The following FAM13A variants were observed in gnomAD, a reference collection of about 807,000 sequenced individuals.
The protein encoded by FAM13A is family with sequence similarity 13 member A, also known as protein FAM13A.
Under a neutral mutation model 129.6 loss-of-function variants are expected in FAM13A, and 76 were observed. That is an observed-to-expected ratio of 0.59 (90% confidence interval 0.49 to 0.71). The LOEUF is 0.71. Ranked by LOEUF, FAM13A falls within the 30% of genes least tolerant of loss-of-function variation. The probability of loss-of-function intolerance (pLI) is 0.00; values close to 1 mark genes in which losing one functional copy is unlikely to be tolerated. For synonymous variants in FAM13A, 443 were observed against 449.9 expected (o/e 0.98, Z 0.20); for missense variants, 1,108 against 1,249.3 (o/e 0.89, Z 1.70).
intron 3 of FAM13A, among the ~76,000 whole-genome samples, chr4:89,014,869 T>A (rs1453796647): frequency 6.6e-6 from 1 of 152,198 alleles, no homozygotes; most frequent in African/African-American, 2.4e-5. Context: ...ATAACAGCAA[T>A]GTTCAGGGAA....
chr4:88,773,469 T>C (rs1721088300), intron 11 of FAM13A, among the ~76,000 whole-genome samples: 1 of 152,152 alleles, frequency 6.6e-6, no homozygotes. Flanking sequence ...TCACTCCCTA[T>C]TGCAATTTCT....
At chr4:88,972,436 G>A (rs1320357663) in intron 4 of FAM13A, among the ~76,000 whole-genome samples, 1 of 151,740 alleles carries the variant, frequency 6.6e-6, no homozygotes, top group East Asian at 1.9e-4. Context: ...TGAGTAGCTG[G>A]GACTACAGGT....
At chr4:88,992,651 C>T (rs995054675) in intron 3 of FAM13A, among the ~76,000 whole-genome samples, 5 of 152,104 alleles carry the variant, frequency 3.3e-5, no homozygotes, top group Admixed American at 1.3e-4. Flanking sequence ...AACAATATAT[C>T]AAAATTCATA....
At chr4:88,937,118 T>G (rs1298258385) in intron 5 of FAM13A, 1 of 152,198 alleles carries the variant, frequency 6.6e-6, no homozygotes, top group African/African-American at 2.4e-5. Flanking sequence ...ATTATCTCAT[T>G]TTATCATTTT....
At chr4:89,030,276 T>C (rs1273367344) in intron 1 of FAM13A, among the ~76,000 whole-genome samples, 2 of 152,032 alleles carry the variant, frequency 1.3e-5, no homozygotes, top group Admixed American at 1.3e-4. Flanking sequence ...TTCAACAAGA[T>C]TGTATTATAT....
chr4:88,960,346 T>A (rs1758407721), intron 4 of FAM13A, among the ~76,000 whole-genome samples: 1 of 152,246 alleles, frequency 6.6e-6, no homozygotes, highest in Middle Eastern at 3.2e-3. Flanking sequence ...CAGTTTTTAA[T>A]ATTTTTTGTC....
chr4:88,880,430 T>G (rs1272806205), intron 6 of FAM13A, among the ~76,000 whole-genome samples: 2 of 152,142 alleles, frequency 1.3e-5, no homozygotes, highest in African/African-American at 4.8e-5. Context: ...AAGAGCTCTG[T>G]GGGCACTCTT....
intron 13 of FAM13A, 89 bp downstream of exon 13, chr4:88,767,464 C>G: frequency 1.1e-6 from 1 of 870,276 alleles, no homozygotes; most frequent in Non-Finnish European, 1.7e-6. Flanking sequence ...TCTCAATGTC[C>G]CTTATTGGCA....
intron 4 of FAM13A, among the ~76,000 whole-genome samples, chr4:88,940,651 T>A (rs1488728847): frequency 4.6e-5 from 7 of 152,206 alleles, no homozygotes; most frequent in African/African-American, 1.4e-4. Flanking sequence ...TATAGACTTT[T>A]GCTAAAACCT....
chr4:88,993,172 C>T (rs767026187), intron 3 of FAM13A, among the ~76,000 whole-genome samples: 2 of 152,160 alleles, frequency 1.3e-5, no homozygotes. Context: ...TTCCACTGCA[C>T]TATGACCTTA....
At position 89,018,039 on chromosome 4, in the gene FAM13A, GATT is replaced by G. The variant is rs1205691506; in HGVS notation, c.427+2418_427+2420del. ...TTTTTTTCAAAAATGAAGTAGCTAA[GATT>G]ACAAAAAATAATAGGTTTGAAAATA... On this transcript the variant is annotated intron_variant, in intron 3 of 23. Coordinates refer to ENST00000264344, the MANE Select transcript of FAM13A (RefSeq NM_014883.4). Among the ~76,000 whole-genome samples the G allele has an allele frequency of 5.3e-5, 8 of 152,122 alleles. No homozygotes were observed. The East Asian group carries it at 1.5e-3, about 29-fold the overall frequency.
intron 17 of FAM13A, among the ~76,000 whole-genome samples, chr4:88,748,245 A>G (rs1560880135): frequency 2.6e-5 from 4 of 152,212 alleles, no homozygotes; most frequent in Admixed American, 2.0e-4. Context: ...TGTAGTATCA[A>G]TAACTTATTC....
At chr4:88,931,324 T>G (rs1325638036) in intron 5 of FAM13A, among the ~76,000 whole-genome samples, 1 of 152,174 alleles carries the variant, frequency 6.6e-6, no homozygotes, top group Non-Finnish European at 1.5e-5. Context: ...GAGCTCCATG[T>G]GTCAGGGTAA....
chr4:88,849,035 T>C (rs943897864), intron 7 of FAM13A, among the ~76,000 whole-genome samples: 6 of 152,208 alleles, frequency 3.9e-5, no homozygotes, highest in African/African-American at 1.4e-4. Context: ...GTATTTGAAT[T>C]GTATTTTATG....
intron 4 of FAM13A, among the ~76,000 whole-genome samples, chr4:88,966,754 C>T (rs999023468): frequency 6.6e-6 from 1 of 152,026 alleles, no homozygotes; most frequent in African/African-American, 2.4e-5. Flanking sequence ...AAAATAAGTT[C>T]ATAAAATTAA....
intron 4 of FAM13A, among the ~76,000 whole-genome samples, chr4:88,944,557 C>T (rs1755336706): frequency 6.6e-6 from 1 of 152,016 alleles, no homozygotes. Flanking sequence ...ATGCCGCAGG[C>T]AAAGTCCGAT....
intron 7 of FAM13A, among the ~76,000 whole-genome samples, chr4:88,847,770 T>TA (rs1363975446): frequency 6.6e-6 from 1 of 151,948 alleles, no homozygotes; most frequent in Non-Finnish European, 1.5e-5. Flanking sequence ...CCGTCTCTAC[T>TA]AAAAAAATAC....
intron 9 of FAM13A, 124 bp from the exon 10 acceptor site, chr4:88,788,056 G>T: frequency 1.5e-6 from 1 of 670,076 alleles, no homozygotes; most frequent in Non-Finnish European, 2.4e-6. Context: ...AACTTCATAA[G>T]CAAAGAGAGA....
At chr4:89,035,216 A>G (rs1291172282) in intron 1 of FAM13A, among the ~76,000 whole-genome samples, 1 of 152,180 alleles carries the variant, frequency 6.6e-6, no homozygotes, top group Non-Finnish European at 1.5e-5. Flanking sequence ...AAAAGGGCTG[A>G]AAAAGTTCCT....
Sources: allele counts gnomAD v4.1 joint callset (sites outside exome capture counted in the v4.1 genomes callset), GRCh38; gene constraint gnomAD v4.1.1; transcripts MANE v1.5; gene names NCBI Gene and HGNC (gene_info 2026-07-23, HGNC 2026-07-21).